DERL2: variants seen among roughly 807,000 people sequenced by gnomAD.
DERL2 encodes derlin 2, also known as derlin-2.
DERL2 carries 13 observed loss-of-function variants against 32.0 expected under a neutral mutation model. The ratio of observed to expected loss-of-function variants is 0.41; its 90% CI spans 0.26 to 0.65. The LOEUF is 0.65. DERL2 is among the 30% of genes least tolerant of loss of function. The probability of loss-of-function intolerance (pLI) is 0.35; values close to 1 mark genes in which losing one functional copy is unlikely to be tolerated. For missense variants in DERL2, 208 were observed against 296.3 expected (o/e 0.70, Z 2.19); for synonymous variants, 111 against 104.7 (o/e 1.06, Z -0.37).
chr17:5,477,793 A>T (rs1412270674), intron 6 of DERL2: 1 of 152,218 alleles, frequency 6.6e-6, no homozygotes, highest in African/African-American at 2.4e-5. Context: ...CCCATGTTTT[A>T]AAAAATACAT....
chr17:5,483,142 G>T (rs551088164), intron 2 of DERL2, among the ~76,000 whole-genome samples: 8 of 152,082 alleles, frequency 5.3e-5, no homozygotes, highest in African/African-American at 1.9e-4. Flanking sequence ...AATTGTGATC[G>T]TCGTATGGAG....
At chr17:5,479,402 A>G (rs979088652) in intron 6 of DERL2, among the ~76,000 whole-genome samples, 1 of 150,700 alleles carries the variant, frequency 6.6e-6, no homozygotes, top group African/African-American at 2.4e-5. Context: ...TTAATATGGC[A>G]TCTCCCAAGG....
Position 5,474,852 on chromosome 17 carries a change from G to A in DERL2, c.615-63C>T. 1.5e-6 allele frequency: 2 copies of A among 1,291,840 alleles called. No homozygotes were observed. Among genetic ancestry groups the A allele is most frequent in the Non-Finnish European group, 2.2e-6 (2 of 902,004 alleles). 80.0% of individuals were successfully genotyped at this position (1,291,840 alleles called of 1,614,324 possible). ...TCATCTCAGGTCCAAAGTACTACAA[G>A]GTCAGTTCAGGCCCCATAGGGTTTC... On this transcript the variant is annotated intron_variant, in intron 6 of 6. Coordinates refer to ENST00000158771, the MANE Select transcript of DERL2 (RefSeq NM_016041.5). The surrounding 1 kb of genome is among the most constrained non-coding windows in gnomAD (Gnocchi z 4.3).
At position 5,471,997 on chromosome 17, in the gene DERL2, A is replaced by G. The variant is rs910659510; in HGVS notation, c.*2687T>C. 1 of 152,216 alleles carries G rather than the reference A, an allele frequency of 6.6e-6. No homozygotes were observed. Among genetic ancestry groups the G allele is most frequent in the Non-Finnish European group, 1.5e-5 (1 of 68,044 alleles). 9.4% of individuals were successfully genotyped at this position (152,216 alleles called of 1,614,324 possible). ...AGAGACTACACAAGAGGTATGAAAG[A>G]TATGAGGACATACAAGAGTGACACA... On this transcript the variant is annotated 3_prime_UTR_variant, in exon 7 of 7. Transcript: ENST00000158771.
At chr17:5,485,986 T>C (rs746696660) in intron 1 of DERL2, 83 bp downstream of exon 1, 2 of 1,339,432 alleles carry the variant, frequency 1.5e-6, no homozygotes, top group East Asian at 2.5e-5. Context: ...CCTCTGGGCC[T>C]CCCCGAGGCC....
rs2285749 is a variant in DERL2, at chr17:5,479,919, C to T, written c.614+135G>A. On this transcript the variant is annotated intron_variant, in intron 6 of 6. Coordinates refer to ENST00000158771, the MANE Select transcript of DERL2 (RefSeq NM_016041.5). ...CAGTCCAAGTGCTCTTCAACTGTAG[C>T]CAGAATGCTCAATCTGCAAATGGTT... The T allele has an allele frequency of 7.1e-4, 427 of 599,180 alleles. 5 individuals carry two copies. In the East Asian group the frequency reaches 0.012, roughly 17 times the overall value. 37.1% of individuals were successfully genotyped at this position (599,180 alleles called of 1,614,324 possible).
chr17:5,471,459 T>G lies in DERL2; in HGVS notation c.*3225A>C, dbSNP rs1165035342. The stretch of plus-strand genomic sequence containing the variant: ...TTGGCGTTAAGAATGTCATACAGAC[T>G]TGAAGCTTTATAGGGATTCAGAGAC... On this transcript the variant is annotated 3_prime_UTR_variant, in exon 7 of 7. Coordinates refer to ENST00000158771, the MANE Select transcript of DERL2 (RefSeq NM_016041.5). The G allele has an allele frequency of 6.6e-6, 1 of 152,174 alleles. No individual in the cohort carries two copies. The highest frequency in any genetic ancestry group is 1.5e-5 in the Non-Finnish European group (1 of 68,030). 9.4% of individuals were successfully genotyped at this position (152,174 alleles called of 1,614,324 possible). A position where few individuals can be genotyped will look rare whatever the true frequency, so the allele number is the denominator to read the frequency against.
rs968630906 is a variant in DERL2, at chr17:5,473,529, A to C, written c.*1155T>G. 2 of 151,808 alleles carry C rather than the reference A, an allele frequency of 1.3e-5. No individual in the cohort carries two copies. Among genetic ancestry groups the C allele is most frequent in the African/African-American group, 4.8e-5 (2 of 41,294 alleles). The allele number at this position is 151,808 out of a possible 1,614,324, so 9.4% of individuals were successfully genotyped here. ...AAGAACATATGCCTAGCTAACTGGT[A>C]TCTGTTCGTCTGGCTCCAAAGTCAA... On this transcript the variant is annotated 3_prime_UTR_variant, in exon 7 of 7. Transcript: ENST00000158771.
chr17:5,486,444 A>C, upstream of DERL2: 12 of 283,008 alleles, frequency 4.2e-5, no homozygotes, highest in Admixed American at 5.1e-5. Context: ...CCTTCTGCCA[A>C]TCCCCGCCGG....
intron 6 of DERL2, chr17:5,477,969 G>A (rs977512392): frequency 2.6e-5 from 4 of 152,240 alleles, no homozygotes; most frequent in Non-Finnish European, 4.4e-5. Flanking sequence ...AAAGGAACCA[G>A]GGCTCCTTGA....
rs557556044 is a variant in DERL2 at position 5,478,524 on chromosome 17, T to A, written c.614+1530A>T. Reference sequence around the variant, plus strand: ...TAGGATGTGGGGAAATGAACAGTTATAAATGCTAGTTGAAATGTAAACCTG... The same window carrying A: ...TAGGATGTGGGGAAATGAACAGTTAAAAATGCTAGTTGAAATGTAAACCTG... On this transcript the variant is annotated intron_variant, in intron 6 of 6. Coordinates refer to ENST00000158771, the MANE Select transcript of DERL2 (RefSeq NM_016041.5). Among the ~76,000 whole-genome samples, 11 of 152,366 alleles carry A rather than the reference T, an allele frequency of 7.2e-5. No individual in the cohort carries two copies. In the South Asian group the frequency reaches 2.3e-3, roughly 32 times the overall value.
In DERL2 at chr17:5,473,475, G is replaced by A. The variant is rs775152746; in HGVS notation, c.*1209C>T. On this transcript the variant is annotated 3_prime_UTR_variant, in exon 7 of 7. Transcript: ENST00000158771. ...GTTCTTGAATTTTCACGAAGCAAAT[G>A]ACTAATGTTAACTAGCCAAAGACCC... is the stretch of plus-strand genomic sequence containing the variant. 6.6e-6 allele frequency: 1 copy of A among 152,108 alleles called. No homozygotes were observed. Among genetic ancestry groups the A allele is most frequent in the African/African-American group, 2.4e-5 (1 of 41,410 alleles). The allele number at this position is 152,108 out of a possible 1,614,324, so 9.4% of individuals were successfully genotyped here.
At position 5,485,176 on chromosome 17, in the gene DERL2, G is replaced by C. The variant is rs1316120407; in HGVS notation, c.134C>G (p.Pro45Arg). ...TTGAAAGTGTTTAAAGATTAATTCA[G>C]GATTGAAGTACAACTGAAAAGGTGT... The part of the protein sequence containing the change: ...LITPFQLYFN[P>R]ELIFKHFQIW... Residue 45 changes from proline (P) to arginine (R), a missense_variant, in exon 2 of 7, where the codon CCT becomes CGT. Pro to Arg is a moderately radical substitution (Grantham distance 103). This residue lies in a region of DERL2 where 124 missense variants were observed against 215.3 expected (regional missense o/e 0.58). Coordinates refer to ENST00000158771, the MANE Select transcript of DERL2 (RefSeq NM_016041.5). 1 of 1,595,364 alleles carries C rather than the reference G, an allele frequency of 6.3e-7. No individual in the cohort carries two copies. Among genetic ancestry groups the C allele is most frequent in the Non-Finnish European group, 8.5e-7 (1 of 1,171,970 alleles).
Position 5,485,215 on chromosome 17 carries a change from T to A in DERL2, c.95A>T (p.Gln32Leu). 1.3e-6 allele frequency: 2 copies of A among 1,580,032 alleles called. No individual in the cohort carries two copies. The highest frequency in any genetic ancestry group is 8.6e-7 in the Non-Finnish European group (1 of 1,167,190). Residue 32 changes from glutamine (Q) to leucine (L), a missense_variant and splice_region_variant, in exon 2 of 7, where the codon CAG (glutamine) becomes CTG (leucine). Coordinates refer to ENST00000158771, the MANE Select transcript of DERL2 (RefSeq NM_016041.5). Reference sequence around the variant, plus strand: ...CTGAAAAGGTGTGATCAATTCCAACTGCTGAAATAGAAAAAGAGCTTCTTA... The same window carrying A: ...CTGAAAAGGTGTGATCAATTCCAACAGCTGAAATAGAAAAAGAGCTTCTTA... ...TACVLTTAAV[Q>L]LELITPFQLY...
At chr17:5,486,256 C>T (rs1906290828), upstream of DERL2, 9 of 1,068,332 alleles carry the variant, frequency 8.4e-6, no homozygotes, top group South Asian at 1.3e-4. Flanking sequence ...GCCCCCCGCC[C>T]ACTTTAGTTT....
At chr17:5,486,303 T>A (rs1318916209), upstream of DERL2, 5 of 590,968 alleles carry the variant, frequency 8.5e-6, no homozygotes, top group African/African-American at 3.9e-5. Context: ...GCAACCGCAA[T>A]CCGTAGAGAC....
Position 5,481,494 on chromosome 17 carries a change from T to A in DERL2, c.234-105A>T. 1.3e-6 allele frequency: 1 copy of A among 773,332 alleles called. No individual in the cohort carries two copies. The highest frequency in any genetic ancestry group is 1.6e-5 in the South Asian group (1 of 63,820). 47.9% of individuals were successfully genotyped at this position (773,332 alleles called of 1,614,324 possible). On this transcript the variant is annotated intron_variant, in intron 3 of 6. Transcript: ENST00000158771. This position sits in a 1 kb window ranked among gnomAD's most constrained non-coding sequence, Gnocchi z 4.4. Reference sequence around the variant, plus strand: ...TGGATTCCATATTATTTGTAATTAGTCAAGTCTTCATTTGTATAAGAATGT... The same window carrying A: ...TGGATTCCATATTATTTGTAATTAGACAAGTCTTCATTTGTATAAGAATGT...
chr17:5,479,895 AG>A (rs1413187435), intron 6 of DERL2, among the ~76,000 whole-genome samples, 158 bp downstream of exon 6: 1 of 152,162 alleles, frequency 6.6e-6, no homozygotes, highest in Non-Finnish European at 1.5e-5. Context: ...GCTCCTACCC[AG>A]TCCAAGTGCT....
intron 6 of DERL2, among the ~76,000 whole-genome samples, chr17:5,478,957 T>C (rs1374808299): frequency 6.6e-6 from 1 of 152,194 alleles, no homozygotes. Flanking sequence ...GTAGCTGGGA[T>C]TACAAGTACA....
Sources: gnomAD v4.1 joint callset for allele counts (sites outside exome capture counted in the v4.1 genomes callset) on GRCh38, gnomAD v4.1.1 for gene constraint, gnomAD v4.1.1 regional missense constraint, Gnocchi (gnomAD v3.1) non-coding constraint, MANE v1.5 for transcripts, NCBI Gene and HGNC (gene_info 2026-07-23, HGNC 2026-07-21) for gene names.